The following C14orf39 variants were observed in gnomAD, a reference collection of about 807,000 sequenced individuals.
The protein encoded by C14orf39 is protein SIX6OS1.
A neutral mutation model predicts 85.6 loss-of-function variants in C14orf39; 66 were observed. That is an observed-to-expected ratio of 0.77 (90% CI 0.63 to 0.95). C14orf39 has a LOEUF of 0.95. Ranked by LOEUF, C14orf39 falls within the 40% of genes least tolerant of loss-of-function variation. The pLI is 0.00. For missense variants in C14orf39, 735 were observed against 663.9 expected (o/e 1.11, Z -1.18); for synonymous variants, 242 against 214.0 (o/e 1.13, Z -1.14).
chr14:60,493,500 G>A (rs944618428), intron 2 of C14orf39, among the ~76,000 whole-genome samples: 4 of 152,102 alleles, frequency 2.6e-5, no homozygotes, highest in African/African-American at 4.8e-5. Flanking sequence ...GACAGACTTT[G>A]GAAACAGTCA....
rs904820941 is a variant in C14orf39 at position 60,491,198 on chromosome 14, T to C, written c.-8-6112A>G. ...TAATAGAAATTTATTTCTCACAGTT[T>C]TTGAGGTCAGTAAGTCCAACACTGA... is the stretch of plus-strand genomic sequence containing the variant. On this transcript the variant is annotated intron_variant, in intron 2 of 5. Coordinates refer to the C14orf39 transcript ENST00000556799. The surrounding 1 kb of genome is among the most constrained non-coding windows in gnomAD (Gnocchi z 4.5). Among the ~76,000 whole-genome samples the C allele has an allele frequency of 1.3e-5, 2 of 152,144 alleles. No homozygotes were observed. The highest frequency in any genetic ancestry group is 4.8e-5 in the African/African-American group (2 of 41,432).
intron 16 of C14orf39, among the ~76,000 whole-genome samples, chr14:60,447,770 A>C (rs999603129): frequency 3.9e-5 from 6 of 152,226 alleles, no homozygotes; most frequent in Non-Finnish European, 7.4e-5. Flanking sequence ...AGCTGGAGGC[A>C]TCACACTACC....
intron 2 of C14orf39, chr14:60,497,021 A>G (rs1893078151): frequency 6.6e-6 from 1 of 152,256 alleles, no homozygotes; most frequent in African/African-American, 2.4e-5. Context: ...CATGGCCTAC[A>G]GGGACCTTTA....
At chr14:60,501,352 C>G (rs1350023507) in intron 1 of C14orf39, among the ~76,000 whole-genome samples, 1 of 140,792 alleles carries the variant, frequency 7.1e-6, no homozygotes, top group Non-Finnish European at 1.5e-5. Flanking sequence ...TTCTAAAATA[C>G]AGGCAGAAAG....
rs1892795380 is a variant in C14orf39 at position 60,484,537 on chromosome 14, T to C, written c.106+344A>G. On this transcript the variant is annotated intron_variant, in intron 3 of 17. Coordinates refer to ENST00000321731, the MANE Select transcript of C14orf39 (RefSeq NM_174978.3). The surrounding 1 kb of genome is among the most constrained non-coding windows in gnomAD (Gnocchi z 4.2). Reference sequence around the variant, plus strand: ...GGCATCTATCGATTTTGATCCCTGATTTCTGGTGGTTTCTATAAAGATAAA... The same window carrying C: ...GGCATCTATCGATTTTGATCCCTGACTTCTGGTGGTTTCTATAAAGATAAA... Among the ~76,000 whole-genome samples the C allele has an allele frequency of 6.6e-6, 1 of 152,174 alleles. No individual in the cohort carries two copies. Among genetic ancestry groups the C allele is most frequent in the Non-Finnish European group, 1.5e-5 (1 of 68,028 alleles).
chr14:60,446,857 A>C (rs1193330745), intron 16 of C14orf39, among the ~76,000 whole-genome samples: 3 of 152,190 alleles, frequency 2.0e-5, no homozygotes, highest in African/African-American at 7.2e-5. Flanking sequence ...CACCACAATA[A>C]AGTTGGCTTC....
chr14:60,492,877 AG>A (rs1298117881), intron 2 of C14orf39, among the ~76,000 whole-genome samples: 2 of 152,232 alleles, frequency 1.3e-5, no homozygotes, highest in Non-Finnish European at 2.9e-5. Flanking sequence ...AGAAATACTT[AG>A]GAAAAAAATC....
chr14:60,440,557 AC>A (rs1890461622), intron 17 of C14orf39, among the ~76,000 whole-genome samples: 1 of 152,104 alleles, frequency 6.6e-6, no homozygotes, highest in Non-Finnish European at 1.5e-5. Flanking sequence ...TAGCTTCCTG[AC>A]CTTTCCCTGC....
chr14:60,482,036 T>G (rs527997254), intron 4 of C14orf39, among the ~76,000 whole-genome samples: 1 of 152,228 alleles, frequency 6.6e-6, no homozygotes, highest in East Asian at 1.9e-4. Context: ...ATTTTTCTAG[T>G]ACTTTCATAG....
At chr14:60,486,228 G>A (rs1000396210), upstream of C14orf39, 1 of 152,248 alleles carries the variant, frequency 6.6e-6, no homozygotes, top group African/African-American at 2.4e-5. Flanking sequence ...AATAAGCCCC[G>A]TAAAACCACA....
Position 60,436,826 on chromosome 14 carries a change from T to C in C14orf39, c.*19A>G, listed in dbSNP as rs762075250. 12 of 1,533,644 alleles carry C rather than the reference T, an allele frequency of 7.8e-6. No individual in the cohort carries two copies. Among genetic ancestry groups the C allele is most frequent in the Middle Eastern group, 1.8e-4 (1 of 5,502 alleles). ...ATGAACACAGAACAGTAAAATAATT[T>C]AAGGAATTAATGACTAGCTCAAAAA... On this transcript the variant is annotated 3_prime_UTR_variant, in exon 18 of 18. Coordinates refer to ENST00000321731, the MANE Select transcript of C14orf39 (RefSeq NM_174978.3).
chr14:60,472,729 T>A (rs1369833149), intron 5 of C14orf39, among the ~76,000 whole-genome samples: 1 of 152,212 alleles, frequency 6.6e-6, no homozygotes, highest in Non-Finnish European at 1.5e-5. Context: ...ACAAAGGACA[T>A]GAACTCATCA....
chr14:60,472,695 G>T (rs1005691645), intron 5 of C14orf39, among the ~76,000 whole-genome samples: 2 of 152,008 alleles, frequency 1.3e-5, no homozygotes, highest in East Asian at 3.9e-4. Context: ...GAGAATGATG[G>T]TTTCCAGCTT....
At chr14:60,437,093 A>C in intron 17 of C14orf39, 46 bp from the exon 18 acceptor site, 1 of 1,299,968 alleles carries the variant, frequency 7.7e-7, no homozygotes, top group African/African-American at 1.5e-5. Flanking sequence ...ATATTATATA[A>C]AATTTTTATA....
chr14:60,496,228 A>G, intron 2 of C14orf39: 1 of 415,906 alleles, frequency 2.4e-6, no homozygotes, highest in Non-Finnish European at 4.9e-6. Context: ...CTGCTGGGTG[A>G]GCTGGATCTG....
intron 4 of C14orf39, among the ~76,000 whole-genome samples, chr14:60,481,973 T>C (rs1892659434): frequency 6.6e-6 from 1 of 152,216 alleles, no homozygotes; most frequent in Admixed American, 6.5e-5. Context: ...GTTTCTGATT[T>C]TGGTGACATA....
rs1892782093 is a variant in C14orf39, at chr14:60,484,288, CAT to C, written c.107-473_107-472del. Among the ~76,000 whole-genome samples the C allele has an allele frequency of 6.6e-6, 1 of 152,096 alleles. No individual in the cohort carries two copies. Among genetic ancestry groups the C allele is most frequent in the African/African-American group, 2.4e-5 (1 of 41,418 alleles). ...GTGATTAAATAGAAGATAAAATGGA[CAT>C]AATTTCTTAAAAAGATTAAAATAAA... On this transcript the variant is annotated intron_variant, in intron 3 of 17. Transcript: ENST00000321731. The surrounding 1 kb of genome is among the most constrained non-coding windows in gnomAD (Gnocchi z 4.2).
At chr14:60,496,175 T>C in intron 2 of C14orf39, 1 of 459,936 alleles carries the variant, frequency 2.2e-6, no homozygotes, top group South Asian at 1.6e-5. Flanking sequence ...ACTCCTCCCC[T>C]GATGTGAGTA....
intron 2 of C14orf39, chr14:60,495,395 G>A (rs897796704): frequency 2.8e-5 from 5 of 178,396 alleles, no homozygotes; most frequent in Non-Finnish European, 4.9e-5. Flanking sequence ...GAAGATCTGA[G>A]CGGCAGGTCA....
Sources: allele counts gnomAD v4.1 joint callset (sites outside exome capture counted in the v4.1 genomes callset), GRCh38; gene constraint gnomAD v4.1.1; non-coding constraint Gnocchi (gnomAD v3.1); transcripts MANE v1.5; gene names NCBI Gene and HGNC (gene_info 2026-07-23, HGNC 2026-07-21).